The following LIPI variants were observed in gnomAD, a reference collection of about 807,000 sequenced individuals.
LIPI encodes the protein lipase member I.
Under a neutral mutation model 50.6 loss-of-function variants are expected in LIPI, and 59 were observed. The observed-to-expected ratio is 1.16, with a 90% confidence interval of 0.94 to 1.45. The LOEUF is 1.45. LIPI is among the 40% of genes most tolerant of loss of function. LIPI has a pLI of 0.00. For synonymous variants in LIPI, 203 were observed against 178.2 expected, an observed-to-expected ratio of 1.14 and a Z score of -1.11; for missense variants, 586 against 536.3, an observed-to-expected ratio of 1.09 and a Z score of -0.92.
At chr21:14,157,064 T>C (rs2018300335) in intron 7 of LIPI, among the ~76,000 whole-genome samples, 2 of 151,914 alleles carry the variant, frequency 1.3e-5, no homozygotes, top group Admixed American at 6.6e-5. Context: ...AATGAAGAAA[T>C]TGGAAATTTA....
chr21:14,176,210 A>G (rs1321967397), intron 4 of LIPI, among the ~76,000 whole-genome samples: 2 of 151,674 alleles, frequency 1.3e-5, no homozygotes, highest in African/African-American at 4.8e-5. Context: ...AAGTGATATA[A>G]ATAAATTTTA....
intron 8 of LIPI, among the ~76,000 whole-genome samples, chr21:14,146,818 A>G (rs1344726252): frequency 1.8e-5 from 2 of 113,216 alleles, no homozygotes; most frequent in African/African-American, 7.4e-5. Flanking sequence ...TCTCACTGTC[A>G]CCCAGGCTGG....
intron 6 of LIPI, among the ~76,000 whole-genome samples, chr21:14,164,091 A>C (rs1447905733): frequency 6.6e-6 from 1 of 150,850 alleles, no homozygotes; most frequent in African/African-American, 2.4e-5. Flanking sequence ...ATATGTTGAT[A>C]TATTGATAAA....
intron 9 of LIPI, among the ~76,000 whole-genome samples, chr21:14,116,530 A>C (rs983056610): frequency 9.9e-5 from 15 of 152,204 alleles, no homozygotes; most frequent in Non-Finnish European, 1.9e-4. Context: ...AACTTTAAGA[A>C]AGGCTTTGAT....
intron 1 of LIPI, among the ~76,000 whole-genome samples, chr21:14,189,637 TTAAA>T (rs2019595159): frequency 6.6e-6 from 1 of 152,138 alleles, no homozygotes; most frequent in African/African-American, 2.4e-5. Flanking sequence ...ATGTGATTGG[TTAAA>T]AAATTAAGAA....
At chr21:14,113,207 T>TAA (rs1329494370) in intron 9 of LIPI, among the ~76,000 whole-genome samples, 1 of 152,230 alleles carries the variant, frequency 6.6e-6, no homozygotes, top group Non-Finnish European at 1.5e-5. Context: ...TGAGAATTAC[T>TAA]AAGCATTGTG....
intron 8 of LIPI, among the ~76,000 whole-genome samples, chr21:14,152,255 C>A (rs1038092684): frequency 4.6e-5 from 7 of 152,100 alleles, no homozygotes; most frequent in Non-Finnish European, 7.4e-5. Context: ...CACGTGCCAC[C>A]ATGCCCAGCT....
chr21:14,151,277 C>A (rs1476569500), intron 8 of LIPI, among the ~76,000 whole-genome samples: 2 of 152,134 alleles, frequency 1.3e-5, no homozygotes, highest in Non-Finnish European at 2.9e-5. Context: ...ACTTTCACTG[C>A]CATTGTTTGT....
At chr21:14,206,800 G>A (rs1409424291) in intron 1 of LIPI, 1 of 1,465,928 alleles carries the variant, frequency 6.8e-7, no homozygotes, top group East Asian at 2.3e-5. Flanking sequence ...AGAAAGTGAA[G>A]TTAAAAGAGA....
At chr21:14,142,384 C>T (rs1002687960) in intron 9 of LIPI, among the ~76,000 whole-genome samples, 2 of 150,794 alleles carry the variant, frequency 1.3e-5, no homozygotes, top group African/African-American at 4.9e-5. Context: ...AGGAAATAAA[C>T]AAAAATGTCA....
At chr21:14,193,979 G>A (rs1416843231) in intron 1 of LIPI, among the ~76,000 whole-genome samples, 1 of 152,038 alleles carries the variant, frequency 6.6e-6, no homozygotes, top group East Asian at 1.9e-4. Flanking sequence ...ACTGGGCAAA[G>A]ACTTAAATTG....
chr21:14,146,770 C>CTTTTT (rs1308738575), intron 8 of LIPI, among the ~76,000 whole-genome samples: 136 of 64,752 alleles, frequency 2.1e-3, no homozygotes, highest in African/African-American at 2.6e-3. Context: ...TTCCCAGTCT[C>CTTTTT]TATTTTTTTT....
chr21:14,174,848 G>A (rs919257276), intron 4 of LIPI, among the ~76,000 whole-genome samples: 4 of 152,066 alleles, frequency 2.6e-5, no homozygotes, highest in East Asian at 1.9e-4. Flanking sequence ...CACCGCACCC[G>A]GCCTGTTTTC....
intron 1 of LIPI, among the ~76,000 whole-genome samples, chr21:14,200,399 C>T (rs1263820735): frequency 6.6e-6 from 1 of 152,092 alleles, no homozygotes; most frequent in Non-Finnish European, 1.5e-5. Context: ...AGAAGAACTT[C>T]AGCAAAGTCT....
chr21:14,175,632 T>C (rs554538894), intron 4 of LIPI, among the ~76,000 whole-genome samples: 3 of 152,194 alleles, frequency 2.0e-5, no homozygotes, highest in Non-Finnish European at 4.4e-5. Context: ...TTATGAAGGC[T>C]TTAAAAATAA....
chr21:14,110,109 T>C (rs948470809), intron 9 of LIPI, among the ~76,000 whole-genome samples: 2 of 150,564 alleles, frequency 1.3e-5, no homozygotes, highest in African/African-American at 4.9e-5. Flanking sequence ...AAGTATAAGA[T>C]TGATCTAAAA....
At chr21:14,151,603 A>G (rs572003044) in intron 8 of LIPI, among the ~76,000 whole-genome samples, 2 of 152,310 alleles carry the variant, frequency 1.3e-5, no homozygotes, top group East Asian at 1.9e-4. Context: ...TCATCATTTA[A>G]TGGCTAGTTA....
At chr21:14,201,772 G>C (rs1238934440) in intron 1 of LIPI, among the ~76,000 whole-genome samples, 3 of 152,110 alleles carry the variant, frequency 2.0e-5, no homozygotes, top group African/African-American at 7.2e-5. Flanking sequence ...TTGAAAACTG[G>C]CACAAGACAG....
At chr21:14,175,931 C>T (rs1251371571) in intron 4 of LIPI, among the ~76,000 whole-genome samples, 1 of 152,050 alleles carries the variant, frequency 6.6e-6, no homozygotes, top group South Asian at 2.1e-4. Context: ...GTAATCCCAG[C>T]ACTTTGGGAG....
Sources: allele counts gnomAD v4.1 joint callset (sites outside exome capture counted in the v4.1 genomes callset), GRCh38; gene constraint gnomAD v4.1.1; transcripts MANE v1.5; gene names NCBI Gene and HGNC (gene_info 2026-07-23, HGNC 2026-07-21).